DSG3: variants seen among roughly 807,000 people sequenced by gnomAD.
DSG3 encodes the protein desmoglein-3.
In DSG3, 63 loss-of-function variants were observed where a neutral mutation model predicts 85.9. The observed-to-expected ratio is 0.73, with a 90% confidence interval of 0.60 to 0.90. The LOEUF is 0.90. Among genes scored for constraint, DSG3 ranks in the 40% least tolerant of loss-of-function variants. The pLI is 0.00. For missense variants in DSG3, 1,220 were observed against 1,219.9 expected (o/e 1.00, Z 0.00); for synonymous variants, 447 against 441.9 (o/e 1.01, Z -0.14).
In DSG3 at chr18:31,448,124, A is replaced by G. The variant is rs531058999; in HGVS notation, c.48+199A>G. 3.9e-5 allele frequency among the ~76,000 whole-genome samples: 6 copies of G among 152,370 alleles called. No individual in the cohort carries two copies. In the South Asian group the frequency reaches 1.2e-3, roughly 32 times the overall value. On this transcript the variant is annotated intron_variant, in intron 1 of 15. Transcript: ENST00000257189. ...TGTTGTATTTTACATAGAAAAATAAACCAGAAAGAAATGAGTTTTAAAAAC... is the reference window on the plus strand; with the variant it reads ...TGTTGTATTTTACATAGAAAAATAAGCCAGAAAGAAATGAGTTTTAAAAAC...
Position 31,469,260 on chromosome 18 carries a change from G to C in DSG3, c.1808G>C (p.Ser603Thr), listed in dbSNP as rs773599568. 1 of 1,614,180 alleles carries C rather than the reference G, an allele frequency of 6.2e-7. No homozygotes were observed. Among genetic ancestry groups the C allele is most frequent in the East Asian group, 2.2e-5 (1 of 44,872 alleles). The part of the protein sequence containing the change: ...GICGTSYPTT[S>T]PGTRYGRPHS... ...TGTGGAACTTCTTACCCAACCACAA[G>C]CCCTGGGACCAGGTATGGCAGGCCG... Residue 603 changes from serine to threonine, a missense_variant, in exon 12 of 16, where the codon AGC becomes ACC. Coordinates refer to ENST00000257189, the MANE Select transcript of DSG3 (RefSeq NM_001944.3).
chr18:31,471,147 T>G (rs948869320), intron 12 of DSG3, among the ~76,000 whole-genome samples: 2 of 152,166 alleles, frequency 1.3e-5, no homozygotes, highest in Non-Finnish European at 2.9e-5. Flanking sequence ...AGCTGTGACA[T>G]GAGACTGGAA....
chr18:31,448,184 A>G (rs2072690146), intron 1 of DSG3, among the ~76,000 whole-genome samples: 1 of 152,212 alleles, frequency 6.6e-6, no homozygotes, highest in East Asian at 1.9e-4. Context: ...GAATTAAGTA[A>G]TCTTAATCAC....
chr18:31,474,110 C>T lies in DSG3; in HGVS notation c.2102-11C>T, dbSNP rs1479867188. 1 of 1,604,874 alleles carries T rather than the reference C, an allele frequency of 6.2e-7. No homozygotes were observed. Among genetic ancestry groups the T allele is most frequent in the Non-Finnish European group, 8.5e-7 (1 of 1,172,740 alleles). ...CATAAGATATTACAGAATGTTCTCC[C>T]TTGTTTTTAGAAGTTTGTACAAATA... On this transcript the variant is annotated splice_polypyrimidine_tract_variant and intron_variant, in intron 14 of 15. Coordinates refer to ENST00000257189, the MANE Select transcript of DSG3 (RefSeq NM_001944.3).
chr18:31,465,849 T>C (rs1038938505), intron 10 of DSG3, among the ~76,000 whole-genome samples: 8 of 152,190 alleles, frequency 5.3e-5, no homozygotes, highest in Admixed American at 3.3e-4. Context: ...CATTGAACAA[T>C]GCAATTTCCT....
intron 14 of DSG3, among the ~76,000 whole-genome samples, chr18:31,473,708 T>C (rs1332404755): frequency 6.6e-6 from 1 of 152,210 alleles, no homozygotes; most frequent in Non-Finnish European, 1.5e-5. Flanking sequence ...GACATGCTAA[T>C]TTGCATGATT....
chr18:31,453,585 TA>T (rs2072724250), intron 1 of DSG3, among the ~76,000 whole-genome samples: 1 of 152,200 alleles, frequency 6.6e-6, no homozygotes, highest in Non-Finnish European at 1.5e-5. Context: ...TTATTTCATA[TA>T]TTTTTTAAAT....
At chr18:31,470,524 G>A (rs908951937) in intron 12 of DSG3, among the ~76,000 whole-genome samples, 15 of 151,678 alleles carry the variant, frequency 9.9e-5, no homozygotes, top group African/African-American at 2.4e-4. Flanking sequence ...TTTCAATATC[G>A]TATTAATCAA....
At chr18:31,453,121 A>C (rs1203479060) in intron 1 of DSG3, among the ~76,000 whole-genome samples, 1 of 152,196 alleles carries the variant, frequency 6.6e-6, no homozygotes, top group South Asian at 2.1e-4. Context: ...ATAGAAAGCT[A>C]TGAGATATTA....
Position 31,477,662 on chromosome 18 carries a change from G to GT in DSG3, c.*1404dup. The stretch of plus-strand genomic sequence containing the variant: ...GATAATAAAGCTTGAGAGTAATAAT[G>GT]TTAGGTTAGCAAAGGTTTAGATGTA... On this transcript the variant is annotated 3_prime_UTR_variant, in exon 16 of 16. Coordinates refer to ENST00000257189, the MANE Select transcript of DSG3 (RefSeq NM_001944.3). 6.6e-6 allele frequency: 1 copy of GT among 152,262 alleles called. No homozygotes were observed. The highest frequency in any genetic ancestry group is 1.9e-4 in the East Asian group (1 of 5,166). 9.4% of individuals were successfully genotyped at this position (152,262 alleles called of 1,614,324 possible). A position where few individuals can be genotyped will look rare whatever the true frequency, so the allele number is the denominator to read the frequency against.
chr18:31,447,811 C>A lies in DSG3; in HGVS notation c.-67C>A. 1 of 1,394,904 alleles carries A rather than the reference C, an allele frequency of 7.2e-7. No individual in the cohort carries two copies. Among genetic ancestry groups the A allele is most frequent in the Non-Finnish European group, 9.8e-7 (1 of 1,019,024 alleles). The allele number at this position is 1,394,904 out of a possible 1,614,324, so 86.4% of individuals were successfully genotyped here. On this transcript the variant is annotated 5_prime_UTR_variant, in exon 1 of 16. The change creates a new upstream start codon in the 5' untranslated region. Transcript: ENST00000257189. ...GCAGAGGGCTTTTCTTAGACATCAACTGCAGACGGCTGGCAGGATAGAAGC... is the reference window on the plus strand; with the variant it reads ...GCAGAGGGCTTTTCTTAGACATCAAATGCAGACGGCTGGCAGGATAGAAGC...
At position 31,474,214 on chromosome 18, in the gene DSG3, G is replaced by A. The variant is rs1409650321; in HGVS notation, c.2195G>A (p.Gly732Glu). ...TTKLGAATESGGAAGFATGTV... is the reference protein window; with the variant it reads ...TTKLGAATESEGAAGFATGTV... The stretch of plus-strand genomic sequence containing the variant: ...AAGCTTGGAGCAGCCACTGAATCTG[G>A]AGGTGCTGCAGGCTTTGCAACAGGG... Residue 732 changes from glycine to glutamate, a missense_variant, in exon 15 of 16, where the codon GGA (glycine) becomes GAA (glutamate). Coordinates refer to ENST00000257189, the MANE Select transcript of DSG3 (RefSeq NM_001944.3). 15 of 1,614,088 alleles carry A rather than the reference G, an allele frequency of 9.3e-6. No homozygotes were observed. Among genetic ancestry groups the A allele is most frequent in the Non-Finnish European group, 1.1e-5 (13 of 1,180,044 alleles).
At position 31,459,863 on chromosome 18, in the gene DSG3, T is replaced by C. The variant is rs1449906587; in HGVS notation, c.536T>C (p.Leu179Pro). 1.2e-6 allele frequency: 2 copies of C among 1,613,932 alleles called. No individual in the cohort carries two copies. The highest frequency in any genetic ancestry group is 3.3e-5 in the Admixed American group (2 of 59,990). Residue 179 changes from leucine to proline, a missense_variant, in exon 6 of 16, where the codon CTA becomes CCA. Leu to Pro is a moderately conservative substitution (Grantham distance 98, BLOSUM62 -3). Coordinates refer to ENST00000257189, the MANE Select transcript of DSG3 (RefSeq NM_001944.3). ...NSASNSLVMILNATDADEPNH... is the reference protein window; with the variant it reads ...NSASNSLVMIPNATDADEPNH... ...TTCCTAGACTCACTGGTGATGATAC[T>C]AAATGCCACAGATGCAGATGAACCA...
At chr18:31,463,288 C>T (rs1336124696) in intron 8 of DSG3, among the ~76,000 whole-genome samples, 2 of 152,198 alleles carry the variant, frequency 1.3e-5, no homozygotes, top group African/African-American at 2.4e-5. Flanking sequence ...CATGTTTAGA[C>T]ATCTTTCTCT....
Position 31,458,543 on chromosome 18 carries a change from C to T in DSG3, c.315C>T (p.Asn105=). 1.2e-6 allele frequency: 2 copies of T among 1,614,012 alleles called. No individual in the cohort carries two copies. The highest frequency in any genetic ancestry group is 1.7e-6 in the Non-Finnish European group (2 of 1,179,940). ...PPFGIFVVDK[N]TGDINITAIV... is the part of the protein sequence containing the mutation. Reference sequence around the variant, plus strand: ...TTGGAATCTTTGTTGTTGACAAAAACACTGGAGATATTAACATAACAGCTA... The same window carrying T: ...TTGGAATCTTTGTTGTTGACAAAAATACTGGAGATATTAACATAACAGCTA... Residue 105 remains asparagine, a synonymous_variant, in exon 4 of 16, where the codon AAC becomes AAT. Coordinates refer to ENST00000257189, the MANE Select transcript of DSG3 (RefSeq NM_001944.3).
At chr18:31,462,114 C>T (rs1303814450) in intron 8 of DSG3, among the ~76,000 whole-genome samples, 1 of 144,402 alleles carries the variant, frequency 6.9e-6, no homozygotes, top group African/African-American at 2.7e-5. Flanking sequence ...ACTCTGTCAT[C>T]TAGGCAAGAG....
chr18:31,452,313 G>A (rs1243987148), intron 1 of DSG3, among the ~76,000 whole-genome samples: 1 of 152,064 alleles, frequency 6.6e-6, no homozygotes, highest in South Asian at 2.1e-4. Flanking sequence ...GAGGTCAAGA[G>A]ATTGAGACCA....
intron 1 of DSG3, 45 bp from the exon 2 acceptor site, chr18:31,456,395 T>G: frequency 8.3e-7 from 1 of 1,206,784 alleles, no homozygotes; most frequent in East Asian, 2.8e-5. Flanking sequence ...TAATTCCTTA[T>G]TTGAAGAATT....
At chr18:31,458,696 C>A in intron 4 of DSG3, 96 bp downstream of exon 4, 1 of 1,341,990 alleles carries the variant, frequency 7.5e-7, no homozygotes, top group Non-Finnish European at 1.0e-6. Context: ...GAGGAGAGTT[C>A]AGTACATGCA....
Sources: allele counts gnomAD v4.1 joint callset (sites outside exome capture counted in the v4.1 genomes callset), GRCh38; gene constraint gnomAD v4.1.1; transcripts MANE v1.5; gene names NCBI Gene and HGNC (gene_info 2026-07-23, HGNC 2026-07-21).